The following PPEF1 variants were observed in gnomAD, a reference collection of about 807,000 sequenced individuals.
The protein encoded by PPEF1 is serine/threonine-protein phosphatase with EF-hands 1.
A neutral mutation model predicts 53.3 loss-of-function variants in PPEF1; 12 were observed. That is an observed-to-expected ratio of 0.23 (90% confidence interval 0.14 to 0.36). The LOEUF (loss-of-function observed/expected upper bound fraction) is 0.36. PPEF1 is among the 10% of genes least tolerant of loss of function. The pLI is 1.00. For synonymous variants in PPEF1, 165 were observed against 176.7 expected, an observed-to-expected ratio of 0.93 and a Z score of 0.52; for missense variants, 334 against 490.4, an observed-to-expected ratio of 0.68 and a Z score of 3.01.
intron 6 of PPEF1, among the ~76,000 whole-genome samples, chrX:18,702,294 CTGTGGTGGTCGGG>C (rs773574727): frequency 1.8e-5 from 2 of 110,439 alleles, no homozygotes; most frequent in Non-Finnish European, 3.8e-5. Context: ...TTCACTCCCA[CTGTGGTGGTCGGG>C]GGTGGGGGTA....
intron 4 of PPEF1, among the ~76,000 whole-genome samples, chrX:18,756,236 A>G (rs893165569): frequency 1.0e-4 from 11 of 110,429 alleles, no homozygotes; most frequent in African/African-American, 3.3e-4. Flanking sequence ...CTGGAGTGCA[A>G]TGGCGCAATC....
chrX:18,782,131 T>C (rs2046098900), intron 7 of PPEF1, among the ~76,000 whole-genome samples: 1 of 111,961 alleles, frequency 8.9e-6, no homozygotes, highest in African/African-American at 3.2e-5. Context: ...TAGAAATCTA[T>C]CTTCTTTCCC....
rs755133505 is a variant in PPEF1, at chrX:18,803,881, GT to G, written c.1066-9del. The G allele has an allele frequency of 8.5e-7, 1 of 1,182,341 alleles. No individual in the cohort carries two copies. Among genetic ancestry groups the G allele is most frequent in the Non-Finnish European group, 1.1e-6 (1 of 880,923 alleles). The stretch of plus-strand genomic sequence containing the variant: ...TGTAAGTTACAGCGAAATCTGGTTT[GT>G]TGTTCCAAGATTATTGATATTCTGT... On this transcript the variant is annotated splice_polypyrimidine_tract_variant and intron_variant, in intron 10 of 15. Transcript: ENST00000470157.
chrX:18,804,701 G>A (rs993777802), intron 11 of PPEF1, among the ~76,000 whole-genome samples: 1 of 112,339 alleles, frequency 8.9e-6, no homozygotes, highest in African/African-American at 3.2e-5. Flanking sequence ...GGTTGAGAAT[G>A]TCCTTTTCCT....
At chrX:18,714,274 T>TC (rs1214876823) in intron 1 of PPEF1, among the ~76,000 whole-genome samples, 1 of 60,076 alleles carries the variant, frequency 1.7e-5, no homozygotes, top group East Asian at 4.1e-4. Context: ...TTTTCGTTTT[T>TC]TTGTTTTTTT....
intron 10 of PPEF1, among the ~76,000 whole-genome samples, chrX:18,791,191 T>G (rs1271629898): frequency 8.9e-6 from 1 of 111,830 alleles, no homozygotes; most frequent in Non-Finnish European, 1.9e-5. Flanking sequence ...AACTTTCTTC[T>G]TCTTTTTCCA....
chrX:18,771,913 G>A (rs964779331), intron 6 of PPEF1, among the ~76,000 whole-genome samples: 2 of 111,415 alleles, frequency 1.8e-5, no homozygotes, highest in Non-Finnish European at 3.8e-5. Context: ...CCAGGAGATC[G>A]AGACCAGCCT....
At chrX:18,819,761 G>T (rs1014465926) in intron 13 of PPEF1, among the ~76,000 whole-genome samples, 1 of 111,833 alleles carries the variant, frequency 8.9e-6, no homozygotes, top group African/African-American at 3.3e-5. Flanking sequence ...TCAGAGTACT[G>T]GGAGGAGAGA....
chrX:18,801,889 C>G (rs969720087), intron 10 of PPEF1, among the ~76,000 whole-genome samples: 8 of 106,222 alleles, frequency 7.5e-5, no homozygotes, highest in Admixed American at 4.1e-4. Flanking sequence ...GAGGCTGAGG[C>G]AGGAGAACCA....
At chrX:18,808,156 G>A (rs756465882) in intron 12 of PPEF1, among the ~76,000 whole-genome samples, 1 of 107,564 alleles carries the variant, frequency 9.3e-6, no homozygotes, top group African/African-American at 3.4e-5. Flanking sequence ...TAGTAGAGAG[G>A]GGGTTTCACC....
At chrX:18,808,399 A>G (rs1453813821) in intron 12 of PPEF1, among the ~76,000 whole-genome samples, 1 of 111,347 alleles carries the variant, frequency 9.0e-6, no homozygotes, top group Non-Finnish European at 1.9e-5. Context: ...TAGTACATAC[A>G]TATTATTCTG....
At chrX:18,675,225 A>G (rs1049193235), upstream of PPEF1, among the ~76,000 whole-genome samples, 1 of 113,214 alleles carries the variant, frequency 8.8e-6, no homozygotes, top group South Asian at 3.5e-4. Context: ...TCTGTCCCCA[A>G]ACTTTCCCTC....
At chrX:18,776,587 C>T in intron 6 of PPEF1, among the ~76,000 whole-genome samples, 1 of 111,491 alleles carries the variant, frequency 9.0e-6, no homozygotes, top group Non-Finnish European at 1.9e-5. Flanking sequence ...CTGGTTTACA[C>T]TAAGCCCAGT....
At chrX:18,762,182 T>C (rs1438284178) in intron 6 of PPEF1, among the ~76,000 whole-genome samples, 2 of 111,679 alleles carry the variant, frequency 1.8e-5, no homozygotes, top group Non-Finnish European at 3.8e-5. Context: ...TTTCTGTCTC[T>C]GGGCCAAGAG....
At chrX:18,700,841 G>A (rs958076101) in intron 6 of PPEF1, among the ~76,000 whole-genome samples, 5 of 112,218 alleles carry the variant, frequency 4.5e-5, no homozygotes, top group Non-Finnish European at 7.5e-5. Flanking sequence ...TCGTCTTAGA[G>A]GTTTCTAGCT....
At chrX:18,826,653 C>T (rs1340226412) in intron 15 of PPEF1, among the ~76,000 whole-genome samples, 2 of 108,966 alleles carry the variant, frequency 1.8e-5, no homozygotes, top group Non-Finnish European at 3.8e-5. Context: ...CTCGAACTCC[C>T]GACCTCAGAT....
At chrX:18,692,771 G>A (rs1396036643) in intron 4 of PPEF1, among the ~76,000 whole-genome samples, 1 of 111,886 alleles carries the variant, frequency 8.9e-6, no homozygotes, top group Non-Finnish European at 1.9e-5. Flanking sequence ...CTTAAACAGA[G>A]TTTGCAATCT....
chrX:18,744,407 T>G (rs751677463), intron 3 of PPEF1, among the ~76,000 whole-genome samples: 2 of 111,425 alleles, frequency 1.8e-5, no homozygotes, highest in South Asian at 7.6e-4. Context: ...GCTACTACTT[T>G]AAGAGCTCAA....
chrX:18,801,386 A>T (rs2046542467), intron 10 of PPEF1, among the ~76,000 whole-genome samples: 1 of 111,654 alleles, frequency 9.0e-6, no homozygotes, highest in East Asian at 2.8e-4. Context: ...CAAACTTATA[A>T]ACGGGTGTAC....
Sources: gnomAD v4.1 joint callset for allele counts (sites outside exome capture counted in the v4.1 genomes callset) on GRCh38, gnomAD v4.1.1 for gene constraint, MANE v1.5 for transcripts, NCBI Gene and HGNC (gene_info 2026-07-23, HGNC 2026-07-21) for gene names.